KATNAL2: variants seen among roughly 807,000 people sequenced by gnomAD.
KATNAL2 encodes katanin catalytic subunit A1 like 2, also known as katanin p60 ATPase-containing subunit A-like 2.
In KATNAL2, 52 loss-of-function variants were observed where a neutral mutation model predicts 76.3. The ratio of observed to expected loss-of-function variants is 0.68; its 90% CI spans 0.55 to 0.86. KATNAL2 has a LOEUF of 0.86. Among genes scored for constraint, KATNAL2 ranks in the 40% least tolerant of loss-of-function variants. The pLI is 0.00. For synonymous variants in KATNAL2, 243 were observed against 244.2 expected (o/e 1.00, Z 0.05); for missense variants, 660 against 668.9 (o/e 0.99, Z 0.15).
Position 47,043,226 on chromosome 18 carries a change from C to CAAAAAAAAAAAAAAAAAAAAAAA in KATNAL2, c.52-3212_52-3211insAAAAAAAAAAAAAAAAAAAAAAA, listed in dbSNP as rs1195140135. 5.2e-3 allele frequency among the ~76,000 whole-genome samples: 215 copies of CAAAAAAAAAAAAAAAAAAAAAAA among 41,656 alleles called. 48 individuals carry two copies. The highest frequency in any genetic ancestry group is 0.01 in the Middle Eastern group (1 of 96). The allele number at this position is 41,656 out of a possible 152,430, so 27.3% of individuals were successfully genotyped here. ...CCGGCGACAGAGCGAGACTCCGTTT[C>CAAAAAAAAAAAAAAAAAAAAAAA]AAAAAAAAAAAAAAAAAAAGAGATC... On this transcript the variant is annotated intron_variant, in intron 3 of 17. Coordinates refer to ENST00000683218, the MANE Select transcript of KATNAL2 (RefSeq NM_001387690.1).
chr18:47,043,233 A>C (rs2061028993), intron 3 of KATNAL2, among the ~76,000 whole-genome samples: 1 of 144,046 alleles, frequency 6.9e-6, no homozygotes, highest in Non-Finnish European at 1.6e-5. Context: ...TTTCAAAAAA[A>C]AAAAAAAAAA....
intron 3 of KATNAL2, among the ~76,000 whole-genome samples, chr18:47,036,061 C>T (rs2060761805): frequency 6.6e-6 from 1 of 152,174 alleles, no homozygotes; most frequent in African/African-American, 2.4e-5. Flanking sequence ...GTCCCTCAAG[C>T]CCTGATGTTT....
chr18:47,034,695 CCCGGGCGCA>C (rs1488262319), intron 3 of KATNAL2: 7 of 1,612,966 alleles, frequency 4.3e-6, no homozygotes, highest in Non-Finnish European at 5.9e-6. Context: ...CGGGTTGCTT[CCCGGGCGCA>C]GCGGGCTCAG....
intron 13 of KATNAL2, among the ~76,000 whole-genome samples, chr18:47,071,716 C>T (rs2147211251): frequency 6.6e-6 from 1 of 151,874 alleles, no homozygotes. Flanking sequence ...TTATAATATT[C>T]CTAACAAAGA....
intron 3 of KATNAL2, among the ~76,000 whole-genome samples, chr18:46,947,248 T>C (rs2059409682): frequency 6.6e-6 from 1 of 152,054 alleles, no homozygotes; most frequent in Admixed American, 6.6e-5. Flanking sequence ...GTGAATGGAT[T>C]TGGGGAGTGG....
chr18:47,035,306 G>T, intron 3 of KATNAL2: 8 of 1,611,444 alleles, frequency 5.0e-6, no homozygotes, highest in Non-Finnish European at 6.8e-6. Flanking sequence ...GGCGGTCGCA[G>T]CTCTGTCTTT....
At chr18:46,938,672 T>C (rs991239525) in intron 1 of KATNAL2, among the ~76,000 whole-genome samples, 6 of 152,160 alleles carry the variant, frequency 3.9e-5, no homozygotes, top group African/African-American at 1.4e-4. Flanking sequence ...TCCATGATAA[T>C]ATTTTATAAA....
chr18:46,929,246 G>GT (rs1424959543), intron 1 of KATNAL2, among the ~76,000 whole-genome samples: 3 of 148,790 alleles, frequency 2.0e-5, no homozygotes, highest in African/African-American at 7.4e-5. Context: ...TTCTTTTTTT[G>GT]TTTTTTTATT....
At chr18:47,072,445 T>C (rs1322848456) in intron 13 of KATNAL2, among the ~76,000 whole-genome samples, 1 of 152,174 alleles carries the variant, frequency 6.6e-6, no homozygotes, top group Non-Finnish European at 1.5e-5. Flanking sequence ...GTTCTGTTTC[T>C]GTTTTGTTTT....
intron 3 of KATNAL2, among the ~76,000 whole-genome samples, chr18:47,041,423 TC>T (rs1472206814): frequency 2.6e-5 from 4 of 152,226 alleles, no homozygotes; most frequent in Non-Finnish European, 2.9e-5. Context: ...TTTTGCCTTT[TC>T]CAGAATGTTA....
intron 1 of KATNAL2, among the ~76,000 whole-genome samples, chr18:46,927,752 A>G (rs945688761): frequency 6.6e-6 from 1 of 152,090 alleles, no homozygotes; most frequent in African/African-American, 2.4e-5. Context: ...CTTTTCACAT[A>G]GTCCTATATT....
In KATNAL2 at chr18:46,955,366, G is replaced by A. The variant is rs577621017; in HGVS notation, c.51+8443G>A. 4.0e-5 allele frequency among the ~76,000 whole-genome samples: 6 copies of A among 150,516 alleles called. No homozygotes were observed. In the East Asian group the frequency reaches 5.9e-4, roughly 15 times the overall value. ...CAAGTAACTGGGATTACAGGCATGCGCCACCACGCCTGGCTAATTTTGTAT... is the reference window on the plus strand; with the variant it reads ...CAAGTAACTGGGATTACAGGCATGCACCACCACGCCTGGCTAATTTTGTAT... On this transcript the variant is annotated intron_variant, in intron 3 of 17. Transcript: ENST00000683218.
At chr18:47,068,073 C>T (rs1320008272) in intron 11 of KATNAL2, among the ~76,000 whole-genome samples, 1 of 152,140 alleles carries the variant, frequency 6.6e-6, no homozygotes, top group African/African-American at 2.4e-5. Flanking sequence ...TCTTTCATGC[C>T]TCTTATATTT....
In KATNAL2 at chr18:46,946,937, A is replaced by G. The variant is rs1050335275; in HGVS notation, c.51+14A>G. 2.0e-6 allele frequency: 3 copies of G among 1,478,134 alleles called. No individual in the cohort carries two copies. Among genetic ancestry groups the G allele is most frequent in the Non-Finnish European group, 2.7e-6 (3 of 1,094,082 alleles). The allele number at this position is 1,478,134 out of a possible 1,614,324, so 91.6% of individuals were successfully genotyped here. ...GCGCGGGAAGCGGTAAGGAACGCAT[A>G]TATAAAACATGATTATACCAAGAAC... On this transcript the variant is annotated intron_variant, in intron 3 of 17. Transcript: ENST00000683218.
intron 3 of KATNAL2, chr18:47,032,708 A>AT: frequency 6.2e-6 from 3 of 480,330 alleles, no homozygotes; most frequent in Non-Finnish European, 1.1e-5. Context: ...CTTTTTCCTT[A>AT]TTTATGATTA....
chr18:47,032,816 G>T, intron 3 of KATNAL2: 2 of 1,035,906 alleles, frequency 1.9e-6, no homozygotes, highest in African/African-American at 1.6e-5. Context: ...CTCCAAGCTG[G>T]GAGGTAGTGG....
intron 3 of KATNAL2, among the ~76,000 whole-genome samples, chr18:47,037,597 T>A (rs1359522881): frequency 6.6e-6 from 1 of 152,252 alleles, no homozygotes; most frequent in East Asian, 1.9e-4. Context: ...CAGAAAGATG[T>A]AGATCTGGCC....
chr18:47,092,035 T>C (rs1253712306), intron 15 of KATNAL2, among the ~76,000 whole-genome samples: 5 of 152,166 alleles, frequency 3.3e-5, no homozygotes, highest in Non-Finnish European at 7.3e-5. Context: ...TGATCCCACA[T>C]GCCAAGGCCC....
chr18:46,952,890 C>CTTTTT (rs35782374), intron 3 of KATNAL2, among the ~76,000 whole-genome samples: 18 of 93,046 alleles, frequency 1.9e-4, no homozygotes, highest in African/African-American at 5.1e-4. Flanking sequence ...TTCCTTCCTT[C>CTTTTT]TTTTTTTTTT....
Sources: gnomAD v4.1 joint callset for allele counts (sites outside exome capture counted in the v4.1 genomes callset) on GRCh38, gnomAD v4.1.1 for gene constraint, MANE v1.5 for transcripts, NCBI Gene and HGNC (gene_info 2026-07-23, HGNC 2026-07-21) for gene names.